GML: variants seen among roughly 807,000 people sequenced by gnomAD.
GML encodes the protein glycosyl-phosphatidylinositol-anchored molecule-like protein.
In GML, 5 loss-of-function variants were observed where a neutral mutation model predicts 8.2. That is an observed-to-expected ratio of 0.61 (90% CI 0.32 to 1.28). The LOEUF is 1.28. Ranked by LOEUF, GML falls within the 50% of genes most tolerant of loss-of-function variation. The pLI is 0.06. For missense variants in GML, 191 were observed against 198.3 expected, an observed-to-expected ratio of 0.96 and a Z score of 0.22; for synonymous variants, 72 against 69.0, an observed-to-expected ratio of 1.04 and a Z score of -0.22.
chr8:142,841,276 G>A, intron 3 of GML, 51 bp downstream of exon 3: 1 of 935,266 alleles, frequency 1.1e-6, no homozygotes, highest in Non-Finnish European at 1.8e-6. Flanking sequence ...CCCCTACCTG[G>A]GTAGTTTCTG....
At chr8:142,841,327 G>C in intron 3 of GML, 102 bp downstream of exon 3, 1 of 711,558 alleles carries the variant, frequency 1.4e-6, no homozygotes. Flanking sequence ...ACCCAGCTCT[G>C]TTTCCCCTTC....
chr8:142,841,232 AC>A lies in GML; in HGVS notation c.181+9del. 1 of 1,300,992 alleles carries A rather than the reference AC, an allele frequency of 7.7e-7. No homozygotes were observed. Among genetic ancestry groups the A allele is most frequent in the Non-Finnish European group, 1.1e-6 (1 of 895,354 alleles). The allele number at this position is 1,300,992 out of a possible 1,614,324, so 80.6% of individuals were successfully genotyped here. On this transcript the variant is annotated splice_region_variant and intron_variant, in intron 3 of 3. Coordinates refer to ENST00000220940, the MANE Select transcript of GML (RefSeq NM_002066.3). Reference sequence around the variant, plus strand: ...TGTATGACAATCTCCATTCGTAAGTACCTCTTTGTCATTTTGACACATTGTA... The same window carrying A: ...TGTATGACAATCTCCATTCGTAAGTACTCTTTGTCATTTTGACACATTGTA...
At chr8:142,837,171 A>G (rs577203782) in intron 1 of GML, among the ~76,000 whole-genome samples, 22,451 of 151,506 alleles carry the variant, frequency 0.15, 2,077 homozygotes, top group East Asian at 0.48. Flanking sequence ...GCGTGCGCCC[A>G]TAGTCCCAGC....
chr8:142,837,105 C>G (rs1816352069), intron 1 of GML, among the ~76,000 whole-genome samples: 1 of 151,956 alleles, frequency 6.6e-6, no homozygotes, highest in Non-Finnish European at 1.5e-5. Flanking sequence ...ACCAGCGTGG[C>G]CAACATAGTG....
chr8:142,846,506 G>C lies in GML; in HGVS notation c.293G>C (p.Ser98Thr). Residue 98 changes from serine to threonine, a missense_variant, in exon 4 of 4, where the codon AGC becomes ACC. Ser to Thr is a moderately conservative substitution (Grantham distance 58, BLOSUM62 1). Transcript: ENST00000220940. ...CCAGGAAAAATCTTCAAAACTAATAGCTTCTACTGGGTTTGTTGTTGTAAT... is the reference window on the plus strand; with the variant it reads ...CCAGGAAAAATCTTCAAAACTAATACCTTCTACTGGGTTTGTTGTTGTAAT... ...EAPGKIFKTNSFYWVCCCNSM... is the reference protein window; with the variant it reads ...EAPGKIFKTNTFYWVCCCNSM... 6.2e-7 allele frequency: 1 copy of C among 1,613,888 alleles called. No homozygotes were observed. The highest frequency in any genetic ancestry group is 1.1e-5 in the South Asian group (1 of 91,080).
intron 3 of GML, 50 bp from the exon 4 acceptor site, chr8:142,846,345 C>A: frequency 8.0e-7 from 1 of 1,246,026 alleles, no homozygotes; most frequent in Non-Finnish European, 1.2e-6. Flanking sequence ...TCAATATTTA[C>A]AAGCAGAAAA....
intron 3 of GML, among the ~76,000 whole-genome samples, chr8:142,843,647 A>G (rs1002934804): frequency 6.6e-6 from 1 of 152,264 alleles, no homozygotes; most frequent in Non-Finnish European, 1.5e-5. Flanking sequence ...ATACAAGATA[A>G]GTATTCAAAA....
chr8:142,846,651 G>A lies in GML; in HGVS notation c.438G>A (p.Leu146=). 5 of 1,614,044 alleles carry A rather than the reference G, an allele frequency of 3.1e-6. No homozygotes were observed. The highest frequency in any genetic ancestry group is 4.2e-6 in the Non-Finnish European group (5 of 1,179,940). The part of the protein sequence containing the change: ...TVRLGVSKLL[L]SFASIIVSNI... ...GGCTGGGGGTATCAAAACTGTTGCT[G>A]AGTTTTGCCTCTATCATAGTCAGCA... is the stretch of plus-strand genomic sequence containing the variant. The change falls in exon 4 of 4, where the codon CTG becomes CTA. Residue 146 remains leucine (L), a synonymous_variant. Coordinates refer to ENST00000220940, the MANE Select transcript of GML (RefSeq NM_002066.3).
intron 3 of GML, 46 bp from the exon 4 acceptor site, chr8:142,846,349 C>T: frequency 1.6e-6 from 2 of 1,288,960 alleles, no homozygotes; most frequent in Non-Finnish European, 2.2e-6. Flanking sequence ...TATTTACAAG[C>T]AGAAAATGTG....
chr8:142,836,677 C>G (rs1239554416), intron 1 of GML, among the ~76,000 whole-genome samples: 3 of 152,148 alleles, frequency 2.0e-5, no homozygotes, highest in African/African-American at 4.8e-5. Flanking sequence ...TATGTTACTA[C>G]TGGGGATGTG....
chr8:142,836,543 GTTTA>G (rs1339982093), intron 1 of GML, among the ~76,000 whole-genome samples: 14 of 151,978 alleles, frequency 9.2e-5, no homozygotes, highest in Admixed American at 9.2e-4. Context: ...TGAACTGTGG[GTTTA>G]TTTCTATTGT....
rs2130230137 is a variant in GML, at chr8:142,846,428, A to G, written c.215A>G (p.Asn72Ser). 6.2e-7 allele frequency: 1 copy of G among 1,610,462 alleles called. No individual in the cohort carries two copies. Among genetic ancestry groups the G allele is most frequent in the Non-Finnish European group, 8.5e-7 (1 of 1,177,464 alleles). ...INSRELLVYKNCTNNCTFVYA... is the reference protein window; with the variant it reads ...INSRELLVYKSCTNNCTFVYA... ...TCTCGTGAACTACTTGTTTATAAGA[A>G]CTGTACAAACAACTGCACATTTGTA... Residue 72 changes from asparagine to serine, a missense_variant, in exon 4 of 4, where the codon AAC (asparagine) becomes AGC (serine). Coordinates refer to ENST00000220940, the MANE Select transcript of GML (RefSeq NM_002066.3).
rs1816507219 is a variant in GML at position 142,846,628 on chromosome 8, C to A, written c.415C>A (p.Leu139Met). Residue 139 changes from leucine to methionine, a missense_variant, in exon 4 of 4, where the codon CTG becomes ATG. Coordinates refer to ENST00000220940, the MANE Select transcript of GML (RefSeq NM_002066.3). ...EEELPEGTVR[L>M]GVSKLLLSFA... ...GGAGCTTCCAGAAGGAACTGTGAGG[C>A]TGGGGGTATCAAAACTGTTGCTGAG... 1 of 1,613,898 alleles carries A rather than the reference C, an allele frequency of 6.2e-7. No individual in the cohort carries two copies. Among genetic ancestry groups the A allele is most frequent in the African/African-American group, 1.3e-5 (1 of 74,920 alleles).
chr8:142,838,446 G>A (rs1331652458), intron 1 of GML, among the ~76,000 whole-genome samples: 1 of 152,192 alleles, frequency 6.6e-6, no homozygotes, highest in Non-Finnish European at 1.5e-5. Context: ...TCCCCCTCCA[G>A]TGATGGTTTC....
At chr8:142,841,576 GGTA>G (rs1284468354) in intron 3 of GML, among the ~76,000 whole-genome samples, 1 of 152,188 alleles carries the variant, frequency 6.6e-6, no homozygotes, top group Non-Finnish European at 1.5e-5. Context: ...TTCAATTTCT[GGTA>G]GTCTAGAGAG....
intron 3 of GML, among the ~76,000 whole-genome samples, chr8:142,843,984 C>A (rs894601160): frequency 1.3e-5 from 2 of 152,092 alleles, no homozygotes; most frequent in Admixed American, 1.3e-4. Context: ...AAGTTGGTGC[C>A]GAATGCTTTT....
Position 142,841,179 on chromosome 8 carries a change from T to A in GML, c.135T>A (p.Ile45=). 1 of 1,582,098 alleles carries A rather than the reference T, an allele frequency of 6.3e-7. No homozygotes were observed. The highest frequency in any genetic ancestry group is 8.7e-7 in the Non-Finnish European group (1 of 1,151,080). Residue 45 remains isoleucine (I), a synonymous_variant, in exon 3 of 4, where the codon ATT becomes ATA. Transcript: ENST00000220940. The part of the protein sequence containing the change: ...AVINDFNCPN[I]RVCPYHIRRC... ...TAAATGACTTCAACTGTCCCAACAT[T>A]AGAGTATGTCCGTATCATATTAGGC...
intron 3 of GML, among the ~76,000 whole-genome samples, chr8:142,845,250 A>C (rs1182016699): frequency 6.6e-6 from 1 of 152,202 alleles, no homozygotes; most frequent in East Asian, 1.9e-4. Flanking sequence ...AAGCCCATAC[A>C]TTTCCTGTCT....
At chr8:142,842,552 G>A (rs773309674) in intron 3 of GML, among the ~76,000 whole-genome samples, 14 of 152,182 alleles carry the variant, frequency 9.2e-5, no homozygotes, top group South Asian at 4.1e-4. Context: ...AGTGAGATTC[G>A]CAAGGTATGG....
Sources: allele counts gnomAD v4.1 joint callset (sites outside exome capture counted in the v4.1 genomes callset), GRCh38; gene constraint gnomAD v4.1.1; transcripts MANE v1.5; gene names NCBI Gene and HGNC (gene_info 2026-07-23, HGNC 2026-07-21).